Variants in SLC9A7 observed in about 807,000 individuals in gnomAD.
SLC9A7 encodes solute carrier family 9 member A7.
In SLC9A7, 19 loss-of-function variants were observed where a neutral mutation model predicts 52.6. The ratio of observed to expected loss-of-function variants is 0.36; its 90% confidence interval spans 0.25 to 0.53. The LOEUF is 0.53. SLC9A7 is among the 20% of genes least tolerant of loss of function. SLC9A7 has a pLI of 0.91. For missense variants in SLC9A7, 455 were observed against 597.9 expected (o/e 0.76, Z 2.49); for synonymous variants, 226 against 252.1 (o/e 0.90, Z 0.98).
chrX:46,747,234 G>A (rs1171892395), intron 1 of SLC9A7, among the ~76,000 whole-genome samples: 5 of 111,771 alleles, frequency 4.5e-5, no homozygotes, highest in Non-Finnish European at 1.9e-5. Context: ...AGATCAGTAG[G>A]GTGACCACAG....
chrX:46,673,989 G>A (rs765900545), intron 3 of SLC9A7, among the ~76,000 whole-genome samples: 1 of 111,851 alleles, frequency 8.9e-6, no homozygotes, highest in Non-Finnish European at 1.9e-5. Context: ...ATACACCAAT[G>A]TTTTGAGAAA....
At chrX:46,614,338 A>T (rs1325263798) in intron 15 of SLC9A7, among the ~76,000 whole-genome samples, 1 of 112,271 alleles carries the variant, frequency 8.9e-6, no homozygotes, top group Non-Finnish European at 1.9e-5. Flanking sequence ...AGCCTGTTTT[A>T]TAATAAAGTA....
At chrX:46,661,908 C>A in intron 7 of SLC9A7, 108 bp downstream of exon 7, 1 of 707,752 alleles carries the variant, frequency 1.4e-6, no homozygotes, top group Non-Finnish European at 2.0e-6. Context: ...CCCAGTGGAA[C>A]ACTCAATGTA....
chrX:46,631,465 G>C (rs780753163), intron 14 of SLC9A7, 121 bp downstream of exon 14: 17 of 516,519 alleles, frequency 3.3e-5, no homozygotes, highest in Non-Finnish European at 4.9e-5. Flanking sequence ...AAAATGGGGA[G>C]AGCAGTACAC....
chrX:46,692,768 A>G (rs932873746), intron 1 of SLC9A7, among the ~76,000 whole-genome samples: 2 of 111,616 alleles, frequency 1.8e-5, no homozygotes, highest in African/African-American at 6.5e-5. Flanking sequence ...TCTTACCATG[A>G]TATTATACAG....
chrX:46,652,895 C>T (rs1451228452), intron 8 of SLC9A7, among the ~76,000 whole-genome samples: 3 of 111,985 alleles, frequency 2.7e-5, no homozygotes, highest in Non-Finnish European at 5.6e-5. Flanking sequence ...AAACCGTGTT[C>T]ACACTCATCT....
chrX:46,675,283 T>C (rs1026763233), intron 3 of SLC9A7, among the ~76,000 whole-genome samples: 10 of 111,305 alleles, frequency 9.0e-5, no homozygotes, highest in African/African-American at 3.3e-4. Flanking sequence ...ATGATGTGAA[T>C]AGGCCAGAGG....
At chrX:46,748,544 A>AGTGTGT (rs200266669) in intron 1 of SLC9A7, among the ~76,000 whole-genome samples, 7 of 94,417 alleles carry the variant, frequency 7.4e-5, no homozygotes, top group African/African-American at 2.3e-4. Flanking sequence ...ATAAATGTGG[A>AGTGTGT]GTGTGTGTGT....
chrX:46,677,029 G>A (rs770669779), intron 3 of SLC9A7, among the ~76,000 whole-genome samples: 27 of 111,837 alleles, frequency 2.4e-4, no homozygotes, highest in Admixed American at 1.7e-3. Context: ...CTGGGCTGGC[G>A]TGCAGAAACA....
intron 15 of SLC9A7, among the ~76,000 whole-genome samples, chrX:46,616,361 A>C (rs1942953114): frequency 9.2e-6 from 1 of 109,164 alleles, no homozygotes; most frequent in African/African-American, 3.3e-5. Context: ...AAACAAAAAC[A>C]AAAAAACAAA....
At chrX:46,750,114 GC>G (rs1922131908) in intron 1 of SLC9A7, among the ~76,000 whole-genome samples, 1 of 110,457 alleles carries the variant, frequency 9.1e-6, no homozygotes, top group Non-Finnish European at 1.9e-5. Context: ...GGTCAACTTT[GC>G]TTTGTTTTCT....
intron 1 of SLC9A7, among the ~76,000 whole-genome samples, chrX:46,730,670 T>TATATATATA (rs1491295251): frequency 3.3e-4 from 14 of 42,913 alleles, no homozygotes; most frequent in African/African-American, 8.4e-4. Flanking sequence ...AAAAAAAAAA[T>TATATATATA]TATATATATA....
At chrX:46,611,832 C>T (rs1361076590) in intron 16 of SLC9A7, among the ~76,000 whole-genome samples, 2 of 111,417 alleles carry the variant, frequency 1.8e-5, no homozygotes, top group Non-Finnish European at 3.8e-5. Flanking sequence ...CCTCCAATCT[C>T]GGCTGCTCTG....
intron 1 of SLC9A7, among the ~76,000 whole-genome samples, chrX:46,728,374 T>C (rs1944977637): frequency 8.9e-6 from 1 of 112,049 alleles, no homozygotes; most frequent in Admixed American, 9.5e-5. Flanking sequence ...AGAGGATATA[T>C]GGATGGCAAA....
intron 12 of SLC9A7, 86 bp from the exon 13 acceptor site, chrX:46,635,734 C>T: frequency 1.5e-6 from 1 of 664,709 alleles, no homozygotes; most frequent in South Asian, 2.5e-5. Context: ...ACCATGTCCA[C>T]CAGAGAATAT....
intron 13 of SLC9A7, among the ~76,000 whole-genome samples, chrX:46,633,797 G>A (rs1378862058): frequency 2.7e-5 from 3 of 109,342 alleles, no homozygotes; most frequent in East Asian, 2.9e-4. Flanking sequence ...TCAGCCTCCC[G>A]AGCAGCTGGG....
chrX:46,671,039 TC>T (rs1215074662), intron 4 of SLC9A7, among the ~76,000 whole-genome samples: 1 of 111,848 alleles, frequency 8.9e-6, no homozygotes, highest in Non-Finnish European at 1.9e-5. Flanking sequence ...AAAGGATAAG[TC>T]AAAGCCCCTC....
At chrX:46,719,398 C>T (rs1446637780) in intron 1 of SLC9A7, among the ~76,000 whole-genome samples, 1 of 110,467 alleles carries the variant, frequency 9.1e-6, no homozygotes, top group Non-Finnish European at 1.9e-5. Flanking sequence ...ACATATGTAA[C>T]AAACCTGCAC....
intron 7 of SLC9A7, among the ~76,000 whole-genome samples, chrX:46,656,566 G>C (rs1337307329): frequency 8.9e-6 from 1 of 112,418 alleles, no homozygotes; most frequent in African/African-American, 3.2e-5. Context: ...TGAGAACTAC[G>C]TGAAGAATGC....
Sources: gnomAD v4.1 joint callset for allele counts (sites outside exome capture counted in the v4.1 genomes callset) on GRCh38, gnomAD v4.1.1 for gene constraint, MANE v1.5 for transcripts, NCBI Gene and HGNC (gene_info 2026-07-23, HGNC 2026-07-21) for gene names.